Variants in TSHZ2 observed in about 807,000 individuals in gnomAD.
TSHZ2 encodes teashirt homolog 2.
A neutral mutation model predicts 74.4 loss-of-function variants in TSHZ2; 21 were observed. The ratio of observed to expected loss-of-function variants is 0.28; its 90% CI spans 0.20 to 0.41. TSHZ2 has a LOEUF of 0.41. TSHZ2 is among the 10% of genes least tolerant of loss of function. TSHZ2 has a pLI of 1.00. For missense variants in TSHZ2, 1,244 were observed against 1,293.5 expected (o/e 0.96, Z 0.59); for synonymous variants, 540 against 515.3 (o/e 1.05, Z -0.65).
intron 2 of TSHZ2, among the ~76,000 whole-genome samples, chr20:53,483,252 CA>C (rs1986205829): frequency 7.0e-6 from 1 of 142,980 alleles, no homozygotes; most frequent in Non-Finnish European, 1.5e-5. Context: ...CCTGTCTGTA[CA>C]AAAAATACAA....
chr20:53,331,558 G>A (rs961734724), intron 2 of TSHZ2, among the ~76,000 whole-genome samples: 1 of 152,142 alleles, frequency 6.6e-6, no homozygotes, highest in Non-Finnish European at 1.5e-5. Flanking sequence ...AGAATGAGGA[G>A]CACAAAAGAG....
chr20:53,158,819 T>C (rs1823396399), intron 1 of TSHZ2, among the ~76,000 whole-genome samples: 2 of 152,222 alleles, frequency 1.3e-5, no homozygotes, highest in African/African-American at 4.8e-5. Flanking sequence ...CCAGACTTCC[T>C]GTAGTAGTTT....
chr20:53,349,558 G>A (rs569311973), intron 2 of TSHZ2, among the ~76,000 whole-genome samples: 19 of 151,704 alleles, frequency 1.3e-4, no homozygotes, highest in East Asian at 1.9e-4. Context: ...AGGCTGAGGC[G>A]GGAGGATCAC....
intron 2 of TSHZ2, among the ~76,000 whole-genome samples, chr20:53,379,234 T>G (rs156621): frequency 0.55 from 83,211 of 151,872 alleles, 25,510 homozygotes; most frequent in Non-Finnish European, 0.7. Context: ...ATACAAAAAT[T>G]AGCCAGCCGT....
At chr20:53,246,036 CTTTCTT>C (rs1394652122) in intron 1 of TSHZ2, among the ~76,000 whole-genome samples, 1 of 126,744 alleles carries the variant, frequency 7.9e-6, no homozygotes, top group East Asian at 2.0e-4. Context: ...TTCTTTCTTT[CTTTCTT>C]TTTTTTTTTT....
intron 2 of TSHZ2, among the ~76,000 whole-genome samples, chr20:53,357,635 G>A (rs772390716): frequency 1.2e-4 from 18 of 152,180 alleles, no homozygotes; most frequent in Admixed American, 5.9e-4. Context: ...AAACAATTAC[G>A]TACTCATGAA....
intron 2 of TSHZ2, among the ~76,000 whole-genome samples, chr20:53,338,979 C>T (rs1221276051): frequency 1.3e-5 from 2 of 152,166 alleles, no homozygotes; most frequent in East Asian, 1.9e-4. Context: ...GACGTGTTGG[C>T]CAATGCATAC....
chr20:53,307,837 C>A (rs926582195), intron 2 of TSHZ2, among the ~76,000 whole-genome samples: 6 of 152,138 alleles, frequency 3.9e-5, no homozygotes, highest in Admixed American at 3.9e-4. Context: ...GGCTCTAAAC[C>A]AGTAGAATGA....
intron 1 of TSHZ2, among the ~76,000 whole-genome samples, chr20:53,242,220 C>A (rs1990086474): frequency 6.6e-6 from 1 of 152,188 alleles, no homozygotes; most frequent in South Asian, 2.1e-4. Context: ...CATCCCTGGC[C>A]TCTACCTGCC....
chr20:53,020,095 G>A (rs753671088), intron 1 of TSHZ2, among the ~76,000 whole-genome samples: 14 of 152,018 alleles, frequency 9.2e-5, no homozygotes, highest in African/African-American at 1.4e-4. Context: ...GAGAACCCCC[G>A]CACTACCATG....
Position 53,487,931 on chromosome 20 carries a change from CACT to C in TSHZ2, c.*797_*799del, listed in dbSNP as rs1733624982. 1 of 152,144 alleles carries C rather than the reference CACT, an allele frequency of 6.6e-6. No individual in the cohort carries two copies. The highest frequency in any genetic ancestry group is 2.4e-5 in the African/African-American group (1 of 41,412). The allele number at this position is 152,144 out of a possible 1,614,324, so 9.4% of individuals were successfully genotyped here. A position where few individuals can be genotyped will look rare whatever the true frequency, so the allele number is the denominator to read the frequency against. On this transcript the variant is annotated 3_prime_UTR_variant, in exon 3 of 3. Transcript: ENST00000371497. ...AAAAAAAATAGTTTTAAGCACACACCACTGTCTATGAGAACTGCAAATTGGGAG... is the reference window on the plus strand; with the variant it reads ...AAAAAAAATAGTTTTAAGCACACACCGTCTATGAGAACTGCAAATTGGGAG...
intron 1 of TSHZ2, among the ~76,000 whole-genome samples, chr20:53,220,521 T>A (rs535083307): frequency 6.6e-6 from 1 of 152,328 alleles, no homozygotes; most frequent in South Asian, 2.1e-4. Flanking sequence ...CAACCTATTT[T>A]TATGGACACA....
rs531076780 is a variant in TSHZ2 at position 53,423,965 on chromosome 20, C to T, written c.*9-63179C>T. Among the ~76,000 whole-genome samples the T allele has an allele frequency of 1.9e-3, 295 of 152,328 alleles. 5 individuals are homozygous for T. Among genetic ancestry groups the T allele is most frequent in the Admixed American group, 4.8e-3 (74 of 15,302 alleles). On this transcript the variant is annotated intron_variant, in intron 2 of 2. Transcript: ENST00000371497. ...GGGATGCAGCTAAACACCCCGACGA[C>T]GCGCAGGACAGCCCAGCCCCGCTGC...
intron 1 of TSHZ2, among the ~76,000 whole-genome samples, chr20:53,017,196 A>G (rs936924766): frequency 6.6e-6 from 1 of 152,174 alleles, no homozygotes; most frequent in Non-Finnish European, 1.5e-5. Context: ...TGTGGCATAC[A>G]GGGCATTGTA....
chr20:53,220,681 T>G (rs1184842082), intron 1 of TSHZ2, among the ~76,000 whole-genome samples: 1 of 152,224 alleles, frequency 6.6e-6, no homozygotes, highest in African/African-American at 2.4e-5. Context: ...AGAAAAAGCT[T>G]GCTGACTGCT....
In TSHZ2 at chr20:53,393,752, G is replaced by A. The variant is rs150676745; in HGVS notation, c.*9-93392G>A. On this transcript the variant is annotated intron_variant, in intron 2 of 2. Coordinates refer to ENST00000371497, the MANE Select transcript of TSHZ2 (RefSeq NM_173485.6). ...AGTATTGTACCAATGTCGGTATCCC[G>A]GCTTTGATATTGTACTCCAGCTATT... Among the ~76,000 whole-genome samples, 309 of 152,016 alleles carry A rather than the reference G, an allele frequency of 2.0e-3. 2 individuals carry two copies. Among genetic ancestry groups the A allele is most frequent in the African/African-American group, 7.2e-3 (297 of 41,454 alleles).
intron 1 of TSHZ2, among the ~76,000 whole-genome samples, chr20:53,226,121 C>CAT (rs1989679745): frequency 1.4e-4 from 3 of 21,476 alleles, no homozygotes; most frequent in Non-Finnish European, 2.6e-4. Flanking sequence ...CTAAATTTAA[C>CAT]ACACACACAC....
At chr20:53,108,351 T>C (rs557948864) in intron 1 of TSHZ2, among the ~76,000 whole-genome samples, 3 of 152,378 alleles carry the variant, frequency 2.0e-5, no homozygotes, top group East Asian at 3.9e-4. Context: ...ATGTAAGTTA[T>C]GCACATGGAG....
At chr20:53,313,138 G>A (rs1978859448) in intron 2 of TSHZ2, among the ~76,000 whole-genome samples, 3 of 152,184 alleles carry the variant, frequency 2.0e-5, no homozygotes, top group Admixed American at 1.3e-4. Context: ...TTTTCATTTA[G>A]CAGAAACCTT....
Sources: gnomAD v4.1 joint callset for allele counts (sites outside exome capture counted in the v4.1 genomes callset) on GRCh38, gnomAD v4.1.1 for gene constraint, MANE v1.5 for transcripts, NCBI Gene and HGNC (gene_info 2026-07-23, HGNC 2026-07-21) for gene names.